Variants in HPGDS observed in about 807,000 individuals in gnomAD.
The protein encoded by HPGDS is hematopoietic prostaglandin D synthase, also known as GST class-sigma.
In HPGDS, 26 loss-of-function variants were observed where a neutral mutation model predicts 23.1. That is an observed-to-expected ratio of 1.13 (90% CI 0.83 to 1.56). The LOEUF is 1.56. Among genes scored for constraint, HPGDS ranks in the 40% most tolerant of loss-of-function variants. The pLI is 0.00. For synonymous variants in HPGDS, 95 were observed against 77.9 expected, an observed-to-expected ratio of 1.22 and a Z score of -1.16; for missense variants, 268 against 236.4, an observed-to-expected ratio of 1.13 and a Z score of -0.88.
intron 5 of HPGDS, among the ~76,000 whole-genome samples, chr4:94,300,806 T>G (rs773267465): frequency 2.0e-5 from 3 of 151,970 alleles, no homozygotes; most frequent in Non-Finnish European, 4.4e-5. Flanking sequence ...AAGCCCAGGC[T>G]TAAATATAAA....
At chr4:94,301,468 T>C (rs780414965) in intron 5 of HPGDS, among the ~76,000 whole-genome samples, 15 of 152,224 alleles carry the variant, frequency 9.9e-5, no homozygotes, top group Non-Finnish European at 1.9e-4. Flanking sequence ...AGACAAACTT[T>C]TTCCAACTGA....
At chr4:94,324,825 G>T (rs1756596578) in intron 2 of HPGDS, among the ~76,000 whole-genome samples, 1 of 152,186 alleles carries the variant, frequency 6.6e-6, no homozygotes, top group Non-Finnish European at 1.5e-5. Context: ...CGATCCTTTG[G>T]ACAAGAAGGG....
chr4:94,340,311 C>CTTTCTTTTT, intron 1 of HPGDS, among the ~76,000 whole-genome samples: 1 of 23,678 alleles, frequency 4.2e-5, no homozygotes, highest in Non-Finnish European at 8.7e-5. Flanking sequence ...CTTTCTTTCT[C>CTTTCTTTTT]TTTTTTTTTT....
In HPGDS at chr4:94,334,508, T is replaced by C; in HGVS notation, c.122A>G (p.Glu41Gly). The change falls in exon 2 of 6, where the codon GAA (glutamate) becomes GGA (glycine). Residue 41 changes from glutamate to glycine, a missense_variant. Physicochemically the swap from Glu to Gly is moderately conservative, Grantham distance 98. Transcript: ENST00000295256. ...TTTTTGCTACTTACTTGATTTGATT[T>C]CAGGCCAGTCAGCTTGTTCTATTCT... is the stretch of plus-strand genomic sequence containing the variant. ...DHRIEQADWP[E>G]IKSTLPFGKI... 2 of 1,595,216 alleles carry C rather than the reference T, an allele frequency of 1.3e-6. No individual in the cohort carries two copies. The highest frequency in any genetic ancestry group is 2.7e-5 in the African/African-American group (2 of 74,222).
At chr4:94,341,904 A>G (rs754602518) in intron 1 of HPGDS, among the ~76,000 whole-genome samples, 1 of 152,236 alleles carries the variant, frequency 6.6e-6, no homozygotes, top group Non-Finnish European at 1.5e-5. Flanking sequence ...AACTTCTTGC[A>G]TATACTGACA....
At position 94,299,191 on chromosome 4, in the gene HPGDS, C is replaced by T; in HGVS notation, c.*289G>A. On this transcript the variant is annotated 3_prime_UTR_variant, in exon 6 of 6. Transcript: ENST00000295256. ...GAGGGGAAGAATGGTGTTGCTAAAC[C>T]ATTATGACTGCAATTCGTGCATGTT... is the stretch of plus-strand genomic sequence containing the variant. 1 of 253,236 alleles carries T rather than the reference C, an allele frequency of 3.9e-6. No homozygotes were observed. The highest frequency in any genetic ancestry group is 7.5e-6 in the Non-Finnish European group (1 of 133,238). 15.7% of individuals were successfully genotyped at this position (253,236 alleles called of 1,614,324 possible).
chr4:94,312,882 A>G (rs1349727524), intron 3 of HPGDS, among the ~76,000 whole-genome samples: 1 of 152,092 alleles, frequency 6.6e-6, no homozygotes, highest in Non-Finnish European at 1.5e-5. Context: ...TCTCTTTACC[A>G]TTATGTAATG....
In HPGDS at chr4:94,299,294, AAGAAAAAG is replaced by A. The variant is rs1456537426; in HGVS notation, c.*178_*185del. On this transcript the variant is annotated 3_prime_UTR_variant, in exon 6 of 6. Coordinates refer to ENST00000295256, the MANE Select transcript of HPGDS (RefSeq NM_014485.3). ...TGTAAATGATGAGAAGCTATTCTGA[AAGAAAAAG>A]ATACTGAAGAAAGATTTGTTTTTAT... 3.0e-5 allele frequency: 16 copies of A among 530,990 alleles called. No homozygotes were observed. The African/African-American group carries it at 3.0e-4, about 10-fold the overall frequency. 32.9% of individuals were successfully genotyped at this position (530,990 alleles called of 1,614,324 possible). A position where few individuals can be genotyped will look rare whatever the true frequency, so the allele number is the denominator to read the frequency against.
At chr4:94,301,069 G>C (rs11938113) in intron 5 of HPGDS, among the ~76,000 whole-genome samples, 1,567 of 152,228 alleles carry the variant, frequency 0.01, 24 homozygotes, top group African/African-American at 0.035. Context: ...TTTAGTAAAG[G>C]CTATGAGGGG....
chr4:94,301,282 G>T (rs1756035685), intron 5 of HPGDS, among the ~76,000 whole-genome samples: 1 of 152,204 alleles, frequency 6.6e-6, no homozygotes, highest in African/African-American at 2.4e-5. Context: ...ATCAGGTTTA[G>T]ATTTGAATTT....
chr4:94,324,575 C>G (rs1034637665), intron 2 of HPGDS, among the ~76,000 whole-genome samples: 4 of 152,202 alleles, frequency 2.6e-5, no homozygotes, highest in Non-Finnish European at 5.9e-5. Context: ...GTGCACGCAT[C>G]ATGATGTTCT....
At chr4:94,332,201 G>A (rs1756747571) in intron 2 of HPGDS, among the ~76,000 whole-genome samples, 1 of 152,076 alleles carries the variant, frequency 6.6e-6, no homozygotes, top group Admixed American at 6.6e-5. Context: ...TGCCCACCCT[G>A]TCCTCTCTCC....
chr4:94,335,225 G>A (rs1720975906), intron 1 of HPGDS, among the ~76,000 whole-genome samples: 1 of 152,126 alleles, frequency 6.6e-6, no homozygotes, highest in South Asian at 2.1e-4. Context: ...CCACGCTACT[G>A]GGTTTTACTG....
rs1284178016 is a variant in HPGDS, at chr4:94,341,848, ATTGGAT to A, written c.-10+941_-10+946del. On this transcript the variant is annotated intron_variant, in intron 1 of 5. Coordinates refer to ENST00000295256, the MANE Select transcript of HPGDS (RefSeq NM_014485.3). ...GACCCTGGTGTTCTGAAATGTAAAAATTGGATTCAGACAGCAATCATGTGAGATACT... is the reference window on the plus strand; with the variant it reads ...GACCCTGGTGTTCTGAAATGTAAAAATCAGACAGCAATCATGTGAGATACT... 7.9e-5 allele frequency among the ~76,000 whole-genome samples: 12 copies of A among 152,196 alleles called. No homozygotes were observed. In the East Asian group the frequency reaches 2.3e-3, roughly 29 times the overall value.
At chr4:94,328,542 T>C (rs1192855174) in intron 2 of HPGDS, among the ~76,000 whole-genome samples, 1 of 152,204 alleles carries the variant, frequency 6.6e-6, no homozygotes, top group Non-Finnish European at 1.5e-5. Flanking sequence ...TATAGAAAAA[T>C]TATAAACTGA....
intron 3 of HPGDS, among the ~76,000 whole-genome samples, chr4:94,311,420 G>T (rs918618939): frequency 3.3e-5 from 5 of 151,302 alleles, no homozygotes; most frequent in African/African-American, 1.2e-4. Context: ...CATCGGTTGT[G>T]TTTATATGCT....
intron 2 of HPGDS, among the ~76,000 whole-genome samples, chr4:94,320,353 G>C (rs1384170475): frequency 6.6e-6 from 1 of 152,060 alleles, no homozygotes; most frequent in Non-Finnish European, 1.5e-5. Flanking sequence ...TTCCACAATG[G>C]TTGAACTAGT....
intron 2 of HPGDS, among the ~76,000 whole-genome samples, chr4:94,319,112 T>C (rs763264889): frequency 5.9e-5 from 9 of 152,182 alleles, no homozygotes; most frequent in Non-Finnish European, 1.2e-4. Context: ...AGATTATCTG[T>C]CCAGTGCTGA....
chr4:94,342,076 G>A (rs1721184283), intron 1 of HPGDS, among the ~76,000 whole-genome samples: 1 of 151,972 alleles, frequency 6.6e-6, no homozygotes, highest in Non-Finnish European at 1.5e-5. Flanking sequence ...TGTTGACTGA[G>A]TAAGATATTG....
Sources: gnomAD v4.1 joint callset for allele counts (sites outside exome capture counted in the v4.1 genomes callset) on GRCh38, gnomAD v4.1.1 for gene constraint, MANE v1.5 for transcripts, NCBI Gene and HGNC (gene_info 2026-07-23, HGNC 2026-07-21) for gene names.